The following RALGPS1 variants were observed in gnomAD, a reference collection of about 807,000 sequenced individuals.
The protein encoded by RALGPS1 is Ral GEF with PH domain and SH3 binding motif 1, also known as ras-specific guanine nucleotide-releasing factor RalGPS1.
In RALGPS1, 19 loss-of-function variants were observed where a neutral mutation model predicts 78.8. That is an observed-to-expected ratio of 0.24 (90% confidence interval 0.17 to 0.35). The LOEUF is 0.35. Among genes scored for constraint, RALGPS1 ranks in the 10% least tolerant of loss-of-function variants. The pLI, the probability that RALGPS1 is intolerant of heterozygous loss-of-function variation, is 1.00. For missense variants in RALGPS1, 454 were observed against 688.3 expected, an observed-to-expected ratio of 0.66 and a Z score of 3.81; for synonymous variants, 228 against 256.3, an observed-to-expected ratio of 0.89 and a Z score of 1.06.
intron 8 of RALGPS1, among the ~76,000 whole-genome samples, chr9:127,072,816 A>C (rs1041090986): frequency 2.6e-5 from 4 of 152,202 alleles, no homozygotes; most frequent in African/African-American, 4.8e-5. Context: ...ACAGTTGTAG[A>C]TTCATTGTGA....
chr9:127,086,839 A>C (rs959537957), intron 8 of RALGPS1, among the ~76,000 whole-genome samples: 1 of 152,088 alleles, frequency 6.6e-6, no homozygotes. Flanking sequence ...TGGAAATTGG[A>C]CTGGAATGAG....
intron 5 of RALGPS1, 42 bp from the exon 6 acceptor site, chr9:127,050,001 T>C: frequency 6.9e-7 from 1 of 1,457,864 alleles, no homozygotes; most frequent in South Asian, 1.1e-5. Flanking sequence ...TAACAACTTT[T>C]CTGGTGTGTA....
chr9:126,960,235 T>C (rs2038773284), intron 1 of RALGPS1, among the ~76,000 whole-genome samples: 1 of 65,166 alleles, frequency 1.5e-5, no homozygotes, highest in Non-Finnish European at 4.1e-5. Context: ...CTTCCTTCCT[T>C]TCTTCCTTTT....
In RALGPS1 at chr9:127,094,241, C is replaced by T. The variant is rs1465142449; in HGVS notation, c.610+24885C>T. On this transcript the variant is annotated intron_variant, in intron 8 of 18. Transcript: ENST00000259351. Reference sequence around the variant, plus strand: ...ATTGTAGAAGGAAGATCAGATTTCCCTCATATAGTGTTGTCAGGATTACTG... The same window carrying T: ...ATTGTAGAAGGAAGATCAGATTTCCTTCATATAGTGTTGTCAGGATTACTG... Among the ~76,000 whole-genome samples the T allele has an allele frequency of 3.9e-5, 6 of 152,096 alleles. No homozygotes were observed. In the East Asian group the frequency reaches 1.2e-3, roughly 29 times the overall value.
Position 126,972,812 on chromosome 9 carries a change from C to G in RALGPS1, c.166-4883C>G, listed in dbSNP as rs1025351926. ...GGGGCAGTGGCTCACACCTGTAATC[C>G]CAACACTTTGGGAGGCTGAGGTGGG... On this transcript the variant is annotated intron_variant, in intron 3 of 18. Coordinates refer to ENST00000259351, the MANE Select transcript of RALGPS1 (RefSeq NM_014636.3). Among the ~76,000 whole-genome samples, 25 of 152,084 alleles carry G rather than the reference C, an allele frequency of 1.6e-4. 1 individual carries two copies. Among genetic ancestry groups the G allele is most frequent in the African/African-American group, 5.8e-4 (24 of 41,420 alleles).
chr9:127,010,680 C>G (rs1158731242), intron 4 of RALGPS1, among the ~76,000 whole-genome samples: 1 of 152,184 alleles, frequency 6.6e-6, no homozygotes, highest in East Asian at 1.9e-4. Flanking sequence ...AACATGGCTG[C>G]AGGGCTGGTG....
chr9:126,931,454 T>A (rs1465052219), intron 1 of RALGPS1, among the ~76,000 whole-genome samples: 2 of 152,230 alleles, frequency 1.3e-5, no homozygotes, highest in African/African-American at 2.4e-5. Context: ...AAGAATAAAC[T>A]ACTGTTTCAT....
chr9:127,116,900 G>A (rs1251267308), intron 8 of RALGPS1, among the ~76,000 whole-genome samples: 1 of 152,196 alleles, frequency 6.6e-6, no homozygotes, highest in East Asian at 1.9e-4. Context: ...GTGGAGCTGG[G>A]CCCAGTAACA....
chr9:127,074,170 T>A (rs1470400532), intron 8 of RALGPS1, among the ~76,000 whole-genome samples: 1 of 152,166 alleles, frequency 6.6e-6, no homozygotes, highest in African/African-American at 2.4e-5. Flanking sequence ...GCATGAGCCA[T>A]GGTGCCTGGC....
chr9:126,992,741 G>A (rs767986267), intron 4 of RALGPS1, among the ~76,000 whole-genome samples: 2 of 152,220 alleles, frequency 1.3e-5, no homozygotes, highest in African/African-American at 4.8e-5. Context: ...ATGTTGTGTA[G>A]TTTGCATTGT....
chr9:127,108,133 A>G (rs2054413910), intron 8 of RALGPS1: 2 of 1,613,994 alleles, frequency 1.2e-6, no homozygotes, highest in Non-Finnish European at 1.7e-6. Flanking sequence ...GTGCTCCTCA[A>G]GCTGCGCGAT....
intron 1 of RALGPS1, among the ~76,000 whole-genome samples, chr9:126,945,943 G>A (rs2037222059): frequency 6.6e-6 from 1 of 152,196 alleles, no homozygotes; most frequent in Non-Finnish European, 1.5e-5. Flanking sequence ...TTAGATATAG[G>A]AAAATGTACC....
intron 8 of RALGPS1, among the ~76,000 whole-genome samples, chr9:127,112,337 C>T (rs1181114575): frequency 6.6e-6 from 1 of 152,218 alleles, no homozygotes; most frequent in African/African-American, 2.4e-5. Flanking sequence ...GGGGAGGAGC[C>T]GCCCCCGACC....
At chr9:126,940,595 C>G (rs1001385835) in intron 1 of RALGPS1, among the ~76,000 whole-genome samples, 2 of 152,100 alleles carry the variant, frequency 1.3e-5, no homozygotes, top group African/African-American at 4.8e-5. Context: ...CGCCCGCCAC[C>G]ATGCCCAGCT....
At position 127,186,913 on chromosome 9, in the gene RALGPS1, G is replaced by A. The variant is rs796765925; in HGVS notation, c.911-8178G>A. Among the ~76,000 whole-genome samples, 3 of 152,184 alleles carry A rather than the reference G, an allele frequency of 2.0e-5. No individual in the cohort carries two copies. In the South Asian group the frequency reaches 6.2e-4, roughly 32 times the overall value. On this transcript the variant is annotated intron_variant, in intron 11 of 18. Transcript: ENST00000259351. ...AAGAATTGAATGGAAGAGACCAAGG[G>A]CAAGTCCAGTGGGTTTGGGAGAGAC...
intron 1 of RALGPS1, among the ~76,000 whole-genome samples, chr9:126,953,760 C>T (rs978697841): frequency 2.0e-5 from 3 of 152,186 alleles, no homozygotes; most frequent in African/African-American, 7.2e-5. Context: ...GAAAATTTTA[C>T]AAAGTTTGTT....
At chr9:127,035,743 A>G (rs943882331) in intron 5 of RALGPS1, among the ~76,000 whole-genome samples, 4 of 152,110 alleles carry the variant, frequency 2.6e-5, no homozygotes, top group African/African-American at 9.7e-5. Flanking sequence ...AATTAGCATT[A>G]TTATTATTTG....
At chr9:127,184,687 C>T (rs1199098475) in intron 11 of RALGPS1, among the ~76,000 whole-genome samples, 6 of 152,202 alleles carry the variant, frequency 3.9e-5, no homozygotes, top group African/African-American at 9.7e-5. Context: ...CAAGAGCACC[C>T]GGTTGCACAG....
At position 127,054,996 on chromosome 9, in the gene RALGPS1, TGAGAGA is replaced by T. The variant is rs10555826; in HGVS notation, c.483+2096_483+2101del. Among the ~76,000 whole-genome samples the T allele has an allele frequency of 5.7e-3, 799 of 139,172 alleles. 6 individuals carry two copies. Among genetic ancestry groups the T allele is most frequent in the East Asian group, 0.017 (79 of 4,638 alleles). The allele number at this position is 139,172 out of a possible 152,430, so 91.3% of individuals were successfully genotyped here. A position where few individuals can be genotyped will look rare whatever the true frequency, so the allele number is the denominator to read the frequency against. On this transcript the variant is annotated intron_variant, in intron 7 of 18. Coordinates refer to ENST00000259351, the MANE Select transcript of RALGPS1 (RefSeq NM_014636.3). ...CTCTGAAAAAGAGAGAGAGATTGAT[TGAGAGA>T]GAGAGAGAGAGAGAGAGAGAGAGAG... is the stretch of plus-strand genomic sequence containing the variant.
Sources: allele counts gnomAD v4.1 joint callset (sites outside exome capture counted in the v4.1 genomes callset), GRCh38; gene constraint gnomAD v4.1.1; transcripts MANE v1.5; gene names NCBI Gene and HGNC (gene_info 2026-07-23, HGNC 2026-07-21).